LRRC4C: variants seen among roughly 807,000 people sequenced by gnomAD.
LRRC4C encodes the protein leucine rich repeat containing 4C.
LRRC4C carries 5 observed loss-of-function variants against 33.6 expected under a neutral mutation model. The ratio of observed to expected loss-of-function variants is 0.15; its 90% CI spans 0.08 to 0.31. LRRC4C has a LOEUF of 0.31. LRRC4C is among the 10% of genes least tolerant of loss of function. The pLI, the probability that LRRC4C is intolerant of heterozygous loss-of-function variation, is 1.00. For missense variants in LRRC4C, 560 were observed against 796.7 expected (o/e 0.70, Z 3.58); for synonymous variants, 329 against 302.0 (o/e 1.09, Z -0.93).
chr11:40,175,908 C>G (rs1860441059), intron 5 of LRRC4C, among the ~76,000 whole-genome samples: 1 of 152,136 alleles, frequency 6.6e-6, no homozygotes, highest in Non-Finnish European at 1.5e-5. Flanking sequence ...AACGGGATTT[C>G]AGCTACTGTG....
chr11:40,414,473 T>C lies in LRRC4C; in HGVS notation c.-269-94752A>G, dbSNP rs77620172. On this transcript the variant is annotated intron_variant, in intron 3 of 6. Transcript: ENST00000528697. The stretch of plus-strand genomic sequence containing the variant: ...GATAATGATAAGCCATCTTAAAGTT[T>C]AGGCTTATTAGAAAGGACTGAAATG... Among the ~76,000 whole-genome samples, 327 of 152,264 alleles carry C rather than the reference T, an allele frequency of 2.1e-3. 3 individuals are homozygous for C. The highest frequency in any genetic ancestry group is 7.5e-3 in the African/African-American group (310 of 41,562).
At chr11:40,340,553 A>C (rs1946821548) in intron 3 of LRRC4C, among the ~76,000 whole-genome samples, 1 of 152,186 alleles carries the variant, frequency 6.6e-6, no homozygotes, top group Admixed American at 6.5e-5. Flanking sequence ...TAAATGTGAT[A>C]AAAGTAATAA....
chr11:41,223,202 G>C (rs1460733792), intron 1 of LRRC4C, among the ~76,000 whole-genome samples: 2 of 152,100 alleles, frequency 1.3e-5, no homozygotes, highest in African/African-American at 4.8e-5. Context: ...AAGAGACATA[G>C]AGAGTCATTG....
At chr11:40,236,250 T>C (rs1430939329) in intron 5 of LRRC4C, among the ~76,000 whole-genome samples, 1 of 152,188 alleles carries the variant, frequency 6.6e-6, no homozygotes. Context: ...TCAAGTCAAT[T>C]ATTTCAGATG....
Position 40,283,640 on chromosome 11 carries a change from C to T in LRRC4C, c.-176+35988G>A, listed in dbSNP as rs532611496. Among the ~76,000 whole-genome samples, 5 of 148,920 alleles carry T rather than the reference C, an allele frequency of 3.4e-5. No homozygotes were observed. In the East Asian group the frequency reaches 9.8e-4, roughly 29 times the overall value. On this transcript the variant is annotated intron_variant, in intron 4 of 6. Coordinates refer to ENST00000528697, the MANE Select transcript of LRRC4C (RefSeq NM_001258419.2). ...CAGATACACTGAAAATCTCTATGCA[C>T]TATGTTAGTTAGATGTGGGAGATGA... is the stretch of plus-strand genomic sequence containing the variant.
At chr11:40,521,411 G>T (rs1565469562) in intron 3 of LRRC4C, among the ~76,000 whole-genome samples, 3 of 152,108 alleles carry the variant, frequency 2.0e-5, no homozygotes, top group Non-Finnish European at 2.9e-5. Flanking sequence ...ATATTATAGT[G>T]CTATGGATAG....
intron 1 of LRRC4C, among the ~76,000 whole-genome samples, chr11:40,994,217 A>C (rs1365874126): frequency 6.6e-6 from 1 of 152,148 alleles, no homozygotes; most frequent in Admixed American, 6.6e-5. Context: ...AAAATTCATG[A>C]GTGCGCCATG....
chr11:40,794,499 G>A (rs1950749767), intron 2 of LRRC4C, among the ~76,000 whole-genome samples: 1 of 151,922 alleles, frequency 6.6e-6, no homozygotes, highest in Non-Finnish European at 1.5e-5. Context: ...TCCATCACAG[G>A]ACTCATGATT....
chr11:41,060,179 C>T (rs1937650259), intron 1 of LRRC4C, among the ~76,000 whole-genome samples: 2 of 152,214 alleles, frequency 1.3e-5, no homozygotes, highest in African/African-American at 2.4e-5. Context: ...CAGATCTCTA[C>T]AATTCCATTT....
chr11:41,070,324 A>C (rs190706678), intron 1 of LRRC4C, among the ~76,000 whole-genome samples: 1 of 152,266 alleles, frequency 6.6e-6, no homozygotes, highest in East Asian at 1.9e-4. Context: ...CTAGAAGAAA[A>C]CTGAGGCTAT....
intron 1 of LRRC4C, among the ~76,000 whole-genome samples, chr11:41,351,236 TAC>T (rs1020230259): frequency 1.6e-4 from 18 of 110,874 alleles, no homozygotes; most frequent in African/African-American, 3.9e-4. Context: ...CACACACACA[TAC>T]ACACACACAC....
chr11:40,343,090 G>A (rs1185874107), intron 3 of LRRC4C, among the ~76,000 whole-genome samples: 3 of 151,890 alleles, frequency 2.0e-5, no homozygotes, highest in Non-Finnish European at 4.4e-5. Flanking sequence ...GGTTACTGAG[G>A]GAATGAGTAA....
At chr11:41,113,255 T>C (rs16935353) in intron 1 of LRRC4C, among the ~76,000 whole-genome samples, 13,048 of 152,024 alleles carry the variant, frequency 0.086, 658 homozygotes, top group East Asian at 0.19. Flanking sequence ...AAAATGTCAA[T>C]TGCATGAGGG....
intron 3 of LRRC4C, among the ~76,000 whole-genome samples, chr11:40,608,496 T>C (rs1960868514): frequency 6.6e-6 from 1 of 151,948 alleles, no homozygotes; most frequent in Non-Finnish European, 1.5e-5. Context: ...CTACAAAATA[T>C]ACAGAAAACA....
intron 1 of LRRC4C, among the ~76,000 whole-genome samples, chr11:41,098,273 G>A (rs532162987): frequency 2.6e-5 from 4 of 152,168 alleles, no homozygotes; most frequent in South Asian, 2.1e-4. Context: ...AAATCACTGC[G>A]GCCACACTGC....
chr11:41,334,641 G>T (rs902077457), intron 1 of LRRC4C, among the ~76,000 whole-genome samples: 3 of 151,902 alleles, frequency 2.0e-5, no homozygotes, highest in African/African-American at 7.3e-5. Flanking sequence ...AAAACAGTCC[G>T]GGTAAAAAGT....
chr11:41,113,175 A>G (rs1037221145), intron 1 of LRRC4C, among the ~76,000 whole-genome samples: 2 of 151,460 alleles, frequency 1.3e-5, no homozygotes, highest in African/African-American at 4.8e-5. Flanking sequence ...ATAAGTCAGT[A>G]TTTTTTTTTC....
At chr11:41,348,650 G>A (rs971777352) in intron 1 of LRRC4C, among the ~76,000 whole-genome samples, 2 of 151,958 alleles carry the variant, frequency 1.3e-5, no homozygotes, top group Non-Finnish European at 2.9e-5. Flanking sequence ...TCCTAAAGAA[G>A]TCATTGAGAA....
At chr11:40,766,694 T>C (rs1949487432) in intron 2 of LRRC4C, among the ~76,000 whole-genome samples, 1 of 121,036 alleles carries the variant, frequency 8.3e-6, no homozygotes, top group African/African-American at 3.3e-5. Context: ...ACAATTAGTG[T>C]TGAGTGGTCA....
Sources: allele counts gnomAD v4.1 joint callset (sites outside exome capture counted in the v4.1 genomes callset), GRCh38; gene constraint gnomAD v4.1.1; transcripts MANE v1.5; gene names NCBI Gene and HGNC (gene_info 2026-07-23, HGNC 2026-07-21).